The following DLGAP4 variants were observed in gnomAD, a reference collection of about 807,000 sequenced individuals.
DLGAP4 encodes DLG associated protein 4.
A neutral mutation model predicts 86.9 loss-of-function variants in DLGAP4; 18 were observed. The ratio of observed to expected loss-of-function variants is 0.21; its 90% CI spans 0.14 to 0.31. DLGAP4 has a LOEUF of 0.31. Ranked by LOEUF, DLGAP4 falls within the 10% of genes least tolerant of loss-of-function variation. The pLI is 1.00. For missense variants in DLGAP4, 1,085 were observed against 1,362.6 expected (o/e 0.80, Z 3.21); for synonymous variants, 548 against 574.3 (o/e 0.95, Z 0.65).
chr20:36,418,367 C>T (rs1262762587), intron 2 of DLGAP4, among the ~76,000 whole-genome samples: 3 of 152,182 alleles, frequency 2.0e-5, no homozygotes, highest in Non-Finnish European at 4.4e-5. Flanking sequence ...CCCACCTCGG[C>T]CTCCCAAAGT....
At chr20:36,509,568 C>T (rs1181534380) in intron 10 of DLGAP4, among the ~76,000 whole-genome samples, 1 of 151,848 alleles carries the variant, frequency 6.6e-6, no homozygotes, top group Non-Finnish European at 1.5e-5. Context: ...TAGACTCCAT[C>T]TCAAAAAATA....
intron 1 of DLGAP4, among the ~76,000 whole-genome samples, chr20:36,336,681 GGCAGGGAA>G (rs2065325252): frequency 6.6e-6 from 1 of 152,124 alleles, no homozygotes; most frequent in African/African-American, 2.4e-5. Flanking sequence ...CAGTCCCAGG[GGCAGGGAA>G]ACTGGGAAAC....
At chr20:36,373,125 A>G (rs1455293478) in intron 2 of DLGAP4, among the ~76,000 whole-genome samples, 6 of 152,112 alleles carry the variant, frequency 3.9e-5, no homozygotes, top group African/African-American at 1.4e-4. Flanking sequence ...GGTGAGCTCT[A>G]TTTTGATTTT....
intron 8 of DLGAP4, chr20:36,497,766 TTCC>T (rs1189403502): frequency 8.7e-6 from 3 of 342,960 alleles, no homozygotes; most frequent in Non-Finnish European, 1.2e-5. Context: ...GTGTGCCAGC[TTCC>T]CCTCCACTGC....
intron 1 of DLGAP4, among the ~76,000 whole-genome samples, chr20:36,359,183 G>A (rs1461119625): frequency 2.6e-5 from 4 of 152,032 alleles, no homozygotes; most frequent in East Asian, 1.9e-4. Flanking sequence ...GCAGTGGCAC[G>A]ATCTCGGCTC....
At chr20:36,519,060 C>T (rs1249603199) in intron 10 of DLGAP4, among the ~76,000 whole-genome samples, 2 of 151,068 alleles carry the variant, frequency 1.3e-5, no homozygotes, top group Admixed American at 6.6e-5. Flanking sequence ...GAGGTTGCAG[C>T]GAGCCGAGAT....
At position 36,497,731 on chromosome 20, in the gene DLGAP4, A is replaced by G. The variant is rs1366724321; in HGVS notation, c.2010+665A>G. 5.5e-6 allele frequency: 4 copies of G among 721,648 alleles called. No individual in the cohort carries two copies. In the African/African-American group the frequency reaches 5.8e-5, roughly 10 times the overall value. 44.7% of individuals were successfully genotyped at this position (721,648 alleles called of 1,614,324 possible). A position where few individuals can be genotyped will look rare whatever the true frequency, so the allele number is the denominator to read the frequency against. ...GGTGGCCAAAGTCAGCAGGCCCTCCATAGTCATGGCACACAGCAGGGCAGG... is the reference window on the plus strand; with the variant it reads ...GGTGGCCAAAGTCAGCAGGCCCTCCGTAGTCATGGCACACAGCAGGGCAGG... On this transcript the variant is annotated intron_variant, in intron 8 of 12. Transcript: ENST00000339266.
At chr20:36,338,194 G>T (rs1362009311) in intron 1 of DLGAP4, among the ~76,000 whole-genome samples, 4 of 152,208 alleles carry the variant, frequency 2.6e-5, no homozygotes, top group Admixed American at 6.5e-5. Context: ...TGAGAGCTGG[G>T]CACTGGCAGG....
chr20:36,407,518 G>A (rs1252333924), intron 2 of DLGAP4, among the ~76,000 whole-genome samples: 1 of 152,164 alleles, frequency 6.6e-6, no homozygotes. Context: ...CTCCAGAGTT[G>A]CTGGAGGGGT....
chr20:36,389,118 C>T (rs1420663983), intron 2 of DLGAP4, among the ~76,000 whole-genome samples: 1 of 152,064 alleles, frequency 6.6e-6, no homozygotes, highest in African/African-American at 2.4e-5. Flanking sequence ...GACAAGTTGG[C>T]GATGCCTGTT....
chr20:36,471,216 C>T (rs768457423), intron 7 of DLGAP4, among the ~76,000 whole-genome samples: 2 of 152,142 alleles, frequency 1.3e-5, no homozygotes, highest in African/African-American at 2.4e-5. Context: ...TTGCCGGGCG[C>T]GATGGCTCAT....
intron 2 of DLGAP4, among the ~76,000 whole-genome samples, chr20:36,429,398 C>CTTTTTTTTTTTTTTTT (rs151254062): frequency 1.3e-5 from 1 of 76,036 alleles, no homozygotes; most frequent in African/African-American, 5.1e-5. Flanking sequence ...TTCTTTTTTT[C>CTTTTTTTTTTTTTTTT]TTTTTTTTTT....
At chr20:36,320,824 G>T (rs6025782) in intron 1 of DLGAP4, among the ~76,000 whole-genome samples, 2 of 152,162 alleles carry the variant, frequency 1.3e-5, no homozygotes, top group African/African-American at 4.8e-5. Context: ...TGCCGCCTAA[G>T]GCCACATCTC....
At chr20:36,338,299 C>T (rs1024302031) in intron 1 of DLGAP4, among the ~76,000 whole-genome samples, 16 of 152,172 alleles carry the variant, frequency 1.1e-4, no homozygotes, top group African/African-American at 3.4e-4. Context: ...CATTGGCTCA[C>T]GCCTGTAATC....
chr20:36,457,879 C>A (rs544162035), intron 7 of DLGAP4, among the ~76,000 whole-genome samples: 4 of 149,606 alleles, frequency 2.7e-5, no homozygotes, highest in African/African-American at 9.8e-5. Flanking sequence ...CTCAAGCTAT[C>A]CACCCCACCT....
chr20:36,390,899 A>G (rs1179761657), intron 2 of DLGAP4, among the ~76,000 whole-genome samples: 5 of 152,002 alleles, frequency 3.3e-5, no homozygotes, highest in Non-Finnish European at 5.9e-5. Flanking sequence ...TCCCTTCTCT[A>G]GGTTGAACCT....
At chr20:36,525,480 A>G (rs1170615601) in intron 11 of DLGAP4, 2 of 318,014 alleles carry the variant, frequency 6.3e-6, no homozygotes, top group Admixed American at 4.1e-5. Context: ...GAAACAACAC[A>G]GATTCTGTGA....
At chr20:36,466,059 T>C (rs982662573) in intron 7 of DLGAP4, among the ~76,000 whole-genome samples, 5 of 152,186 alleles carry the variant, frequency 3.3e-5, no homozygotes, top group Admixed American at 6.5e-5. Context: ...TTTGGGTTTC[T>C]TGTCTTTATA....
At chr20:36,394,191 C>T (rs2031872215) in intron 2 of DLGAP4, among the ~76,000 whole-genome samples, 1 of 152,218 alleles carries the variant, frequency 6.6e-6, no homozygotes, top group African/African-American at 2.4e-5. Context: ...GAAGTGCTCT[C>T]CTCAGCCCAT....
Sources: allele counts gnomAD v4.1 joint callset (sites outside exome capture counted in the v4.1 genomes callset), GRCh38; gene constraint gnomAD v4.1.1; transcripts MANE v1.5; gene names NCBI Gene and HGNC (gene_info 2026-07-23, HGNC 2026-07-21).